Variants in EIF5B observed in about 807,000 individuals in gnomAD.
EIF5B encodes the protein eukaryotic translation initiation factor 5B.
In EIF5B, 47 loss-of-function variants were observed where a neutral mutation model predicts 147.5. The ratio of observed to expected loss-of-function variants is 0.32; its 90% CI spans 0.25 to 0.41. The LOEUF (loss-of-function observed/expected upper bound fraction) is 0.41. Among genes scored for constraint, EIF5B ranks in the 10% least tolerant of loss-of-function variants. The pLI, the probability that EIF5B is intolerant of heterozygous loss-of-function variation, is 1.00. For synonymous variants in EIF5B, 455 were observed against 456.2 expected (o/e 1.00, Z 0.03); for missense variants, 1,064 against 1,413.2 (o/e 0.75, Z 3.96).
chr2:99,383,068 G>A, intron 14 of EIF5B, 147 bp downstream of exon 14: 4 of 775,606 alleles, frequency 5.2e-6, no homozygotes, highest in Non-Finnish European at 7.1e-6. Context: ...GTGTGTGTGT[G>A]TATTTGTGTA....
At chr2:99,371,412 C>T (rs985674026) in intron 8 of EIF5B, among the ~76,000 whole-genome samples, 3 of 150,698 alleles carry the variant, frequency 2.0e-5, no homozygotes, top group South Asian at 2.1e-4. Flanking sequence ...GGCGTGAACC[C>T]GGAAGGCGGA....
rs573754235 is a variant in EIF5B at position 99,343,657 on chromosome 2, T to C, written c.35+6068T>C. Among the ~76,000 whole-genome samples, 14 of 151,628 alleles carry C rather than the reference T, an allele frequency of 9.2e-5. No individual in the cohort carries two copies. In the East Asian group the frequency reaches 2.8e-3, roughly 30 times the overall value. The stretch of plus-strand genomic sequence containing the variant: ...ACATGGCAAAACCTACTACTAAAAA[T>C]ACAAAAATTAGTCGGGTGTGGTAGC... On this transcript the variant is annotated intron_variant, in intron 1 of 23. Coordinates refer to ENST00000289371, the MANE Select transcript of EIF5B (RefSeq NM_015904.4).
chr2:99,385,751 A>G (rs1674791728), intron 14 of EIF5B, among the ~76,000 whole-genome samples: 1 of 152,224 alleles, frequency 6.6e-6, no homozygotes, highest in Non-Finnish European at 1.5e-5. Context: ...TGAGTTACGC[A>G]TGTATAAGAA....
intron 1 of EIF5B, among the ~76,000 whole-genome samples, chr2:99,343,821 A>T (rs895569463): frequency 2.7e-5 from 4 of 148,060 alleles, no homozygotes; most frequent in African/African-American, 9.9e-5. Context: ...CTCTAAAAAT[A>T]AAAAAAAAAC....
intron 1 of EIF5B, among the ~76,000 whole-genome samples, chr2:99,355,413 T>G (rs534216358): frequency 1.3e-5 from 2 of 152,160 alleles, no homozygotes; most frequent in African/African-American, 4.8e-5. Context: ...TTGAGTCTTA[T>G]AGCCCATGAA....
At chr2:99,390,140 A>C in intron 15 of EIF5B, 79 bp from the exon 16 acceptor site, 1 of 1,519,862 alleles carries the variant, frequency 6.6e-7, no homozygotes, top group Admixed American at 1.8e-5. Flanking sequence ...CCATTTGCTC[A>C]TCCGGCTTCT....
At chr2:99,389,588 T>A in intron 14 of EIF5B, 130 bp from the exon 15 acceptor site, 1 of 682,660 alleles carries the variant, frequency 1.5e-6, no homozygotes, top group Non-Finnish European at 2.0e-6. Context: ...TTTGGTACAA[T>A]AAAGTGTATG....
At chr2:99,396,712 G>T in intron 21 of EIF5B, 48 bp from the exon 22 acceptor site, 1 of 1,549,532 alleles carries the variant, frequency 6.5e-7, no homozygotes, top group Non-Finnish European at 8.7e-7. Flanking sequence ...TTCTTTTTAT[G>T]TTTAAGTGAT....
At chr2:99,369,317 C>A in intron 7 of EIF5B, 75 bp from the exon 8 acceptor site, 1 of 1,131,808 alleles carries the variant, frequency 8.8e-7, no homozygotes, top group Non-Finnish European at 1.3e-6. Context: ...GTTTTTTATT[C>A]AGTACTTAAT....
rs2104197532 is a variant in EIF5B, at chr2:99,369,442, G to A, written c.1438G>A (p.Val480Ile). The stretch of plus-strand genomic sequence containing the variant: ...TGCTGTAGAAGTTATGGAACAAGGA[G>A]TACCAGAAAAGGAAGAGACACCACC... ...CAAVEVMEQG[V>I]PEKEETPPPV... The change falls in exon 8 of 24, where the codon GTA becomes ATA. Residue 480 changes from valine (V) to isoleucine (I), a missense_variant. This residue lies in a region of EIF5B where 195 missense variants were observed against 186.3 expected (regional missense o/e 1.05). Coordinates refer to ENST00000289371, the MANE Select transcript of EIF5B (RefSeq NM_015904.4). The A allele has an allele frequency of 2.5e-6, 4 of 1,611,008 alleles. No individual in the cohort carries two copies. Among genetic ancestry groups the A allele is most frequent in the East Asian group, 2.2e-5 (1 of 44,736 alleles).
At chr2:99,358,119 A>G (rs1205646551) in intron 1 of EIF5B, among the ~76,000 whole-genome samples, 56 of 152,284 alleles carry the variant, frequency 3.7e-4, no homozygotes, top group Non-Finnish European at 7.4e-5. Flanking sequence ...ACTCAGTGGC[A>G]CAATTCTAGC....
At chr2:99,355,610 G>GTTTTTTT (rs67037124) in intron 1 of EIF5B, among the ~76,000 whole-genome samples, 1 of 98,614 alleles carries the variant, frequency 1.0e-5, no homozygotes, top group Non-Finnish European at 2.0e-5. Flanking sequence ...TGTTTTTTGG[G>GTTTTTTT]TTTTTTTTTT....
rs535023372 is a variant in EIF5B at position 99,350,847 on chromosome 2, A to G, written c.36-9389A>G. Among the ~76,000 whole-genome samples, 163 of 152,296 alleles carry G rather than the reference A, an allele frequency of 1.1e-3. 1 individual carries two copies. The highest frequency in any genetic ancestry group is 6.9e-3 in the Admixed American group (106 of 15,288). ...ATAGTTTCATAGTTTTGGATTTTAC[A>G]TTTAAGTAGTTCATTTTGAGTTGAT... On this transcript the variant is annotated intron_variant, in intron 1 of 23. Transcript: ENST00000289371.
At chr2:99,364,730 C>A (rs557990214) in intron 6 of EIF5B, among the ~76,000 whole-genome samples, 3 of 152,218 alleles carry the variant, frequency 2.0e-5, no homozygotes, top group African/African-American at 7.2e-5. Context: ...CAATTAGGAC[C>A]ATTTGACATT....
intron 1 of EIF5B, among the ~76,000 whole-genome samples, chr2:99,353,644 T>G (rs1053103455): frequency 3.9e-5 from 6 of 152,230 alleles, no homozygotes; most frequent in Non-Finnish European, 8.8e-5. Context: ...TCTCTCATGT[T>G]GTACATTTGT....
At chr2:99,361,082 T>C in intron 3 of EIF5B, 66 bp from the exon 4 acceptor site, 1 of 1,289,560 alleles carries the variant, frequency 7.8e-7, no homozygotes, top group Non-Finnish European at 1.0e-6. Context: ...GTTTACTTAA[T>C]GAAGCACATG....
intron 21 of EIF5B, 23 bp from the exon 22 acceptor site, chr2:99,396,737 A>G (rs753510988): frequency 6.3e-7 from 1 of 1,579,192 alleles, no homozygotes; most frequent in Non-Finnish European, 8.6e-7. Context: ...TAAGCTTAAA[A>G]TTCTTTTCTT....
intron 1 of EIF5B, among the ~76,000 whole-genome samples, chr2:99,358,682 C>G (rs1674143384): frequency 6.6e-6 from 1 of 152,042 alleles, no homozygotes; most frequent in African/African-American, 2.4e-5. Flanking sequence ...TTTTGTGAGC[C>G]CTCTTGAGGC....
intron 18 of EIF5B, 85 bp from the exon 19 acceptor site, chr2:99,394,182 A>G: frequency 1.3e-6 from 2 of 1,511,644 alleles, no homozygotes; most frequent in African/African-American, 1.4e-5. Context: ...TGAGTACTTA[A>G]CCAAAGAGAG....
Sources: allele counts gnomAD v4.1 joint callset (sites outside exome capture counted in the v4.1 genomes callset), GRCh38; gene constraint gnomAD v4.1.1; regional missense constraint gnomAD v4.1.1; transcripts MANE v1.5; gene names NCBI Gene and HGNC (gene_info 2026-07-23, HGNC 2026-07-21).